SH2B1: variants seen among roughly 807,000 people sequenced by gnomAD.
SH2B1 encodes the protein SH2B adaptor protein 1.
In SH2B1, 15 loss-of-function variants were observed where a neutral mutation model predicts 62.6. The observed-to-expected ratio is 0.24, with a 90% CI of 0.16 to 0.37. The LOEUF (loss-of-function observed/expected upper bound fraction) is 0.37. SH2B1 is among the 10% of genes least tolerant of loss of function. The pLI, the probability that SH2B1 is intolerant of heterozygous loss-of-function variation, is 1.00. For synonymous variants in SH2B1, 443 were observed against 438.0 expected (o/e 1.01, Z -0.14); for missense variants, 925 against 1,015.6 (o/e 0.91, Z 1.21).
rs1596632884 is a variant in SH2B1, at chr16:28,872,452, G to A, written c.1725+51G>A. ...TGTTCTGTGCATAGTTGGCAGTGGG[G>A]TGGGGGAGCACTGCCGGGGGAGGGG... is the stretch of plus-strand genomic sequence containing the variant. On this transcript the variant is annotated intron_variant, in intron 6 of 7. Coordinates refer to ENST00000684370, the MANE Select transcript of SH2B1 (RefSeq NM_001387430.1). The surrounding 1 kb of genome is among the most constrained non-coding windows in gnomAD (Gnocchi z 5.3). 5 of 1,572,264 alleles carry A rather than the reference G, an allele frequency of 3.2e-6. No individual in the cohort carries two copies. The highest frequency in any genetic ancestry group is 4.3e-6 in the Non-Finnish European group (5 of 1,154,918).
rs776594392 is a variant in SH2B1 at position 28,866,253 on chromosome 16, C to G, written c.159C>G (p.Pro53=). ...RRFRLYLASH[P]QYAGPGAEAA... is the part of the protein sequence containing the mutation. The stretch of plus-strand genomic sequence containing the variant: ...TTCGCCTCTACCTGGCCTCCCACCC[C>G]CAATATGCGGGGCCCGGGGCCGAGG... Residue 53 remains proline, a synonymous_variant, in exon 1 of 8, where the codon CCC becomes CCG. Coordinates refer to ENST00000684370, the MANE Select transcript of SH2B1 (RefSeq NM_001387430.1). This position sits in a 1 kb window ranked among gnomAD's most constrained non-coding sequence, Gnocchi z 6.3. 22 of 1,611,130 alleles carry G rather than the reference C, an allele frequency of 1.4e-5. No individual in the cohort carries two copies. Among genetic ancestry groups the G allele is most frequent in the East Asian group, 2.2e-5 (1 of 44,846 alleles).
Position 28,872,216 on chromosome 16 carries a change from G to C in SH2B1, c.1540G>C (p.Glu514Gln), listed in dbSNP as rs893059694. Reference sequence around the variant, plus strand: ...GTCCTTCCTGTTCCAGGGGGAGCCAGAGGGCGGTGAGGGGGACCAGCCCCT... The same window carrying C: ...GTCCTTCCTGTTCCAGGGGGAGCCACAGGGCGGTGAGGGGGACCAGCCCCT... ...TGSFLFQGEP[E>Q]GGEGDQPLSG... Residue 514 changes from glutamate (E) to glutamine (Q), a missense_variant, in exon 6 of 8, where the codon GAG becomes CAG. Physicochemically the swap from Glu to Gln is conservative, Grantham distance 29. Coordinates refer to ENST00000684370, the MANE Select transcript of SH2B1 (RefSeq NM_001387430.1). The surrounding 1 kb of genome is among the most constrained non-coding windows in gnomAD (Gnocchi z 5.3). 5 of 1,613,504 alleles carry C rather than the reference G, an allele frequency of 3.1e-6. No homozygotes were observed. The highest frequency in any genetic ancestry group is 3.3e-5 in the Admixed American group (2 of 59,992).
In SH2B1 at chr16:28,873,496, GAC is replaced by G. The variant is rs777882588; in HGVS notation, c.1949_1950del (p.Thr650ArgfsTer47). ...CCCAGCCCCCTGAACCCCCTTCATG[GAC>G]AGATCCCCCACAGCCTGGGGCAGAA... is the stretch of plus-strand genomic sequence containing the variant. ...PPQPPEPPSW[T>X]DPPQPGAEEA... On this transcript the variant is annotated frameshift_variant, in exon 8 of 8. Coordinates refer to ENST00000684370, the MANE Select transcript of SH2B1 (RefSeq NM_001387430.1). LOFTEE classifies it high-confidence loss of function. The surrounding 1 kb of genome is among the most constrained non-coding windows in gnomAD (Gnocchi z 4.2). The G allele has an allele frequency of 6.3e-7, 1 of 1,587,158 alleles. No individual in the cohort carries two copies. The highest frequency in any genetic ancestry group is 8.6e-7 in the Non-Finnish European group (1 of 1,169,226).
chr16:28,865,781 AGT>A lies in SH2B1; in HGVS notation c.-312_-311del. ...TACTGCTGGATCCAAAGCTAAGGAA[AGT>A]GGGGGCAAATGTGGCAGGCTCGGGG... On this transcript the variant is annotated 5_prime_UTR_variant, in exon 1 of 8. Transcript: ENST00000684370. 1 of 1,146,054 alleles carries A rather than the reference AGT, an allele frequency of 8.7e-7. No individual in the cohort carries two copies. The highest frequency in any genetic ancestry group is 3.6e-5 in the South Asian group (1 of 27,894). The allele number at this position is 1,146,054 out of a possible 1,614,324, so 71.0% of individuals were successfully genotyped here.
Position 28,867,491 on chromosome 16 carries a change from G to A in SH2B1, c.1041+59G>A, listed in dbSNP as rs186911218. On this transcript the variant is annotated intron_variant, in intron 2 of 7. Coordinates refer to ENST00000684370, the MANE Select transcript of SH2B1 (RefSeq NM_001387430.1). ...TTGTGTTAAGGAGAAAGCCCTCAGCGCATTTAAGCAAGTGGCGTCGCCGAA... is the reference window on the plus strand; with the variant it reads ...TTGTGTTAAGGAGAAAGCCCTCAGCACATTTAAGCAAGTGGCGTCGCCGAA... 121 of 1,325,484 alleles carry A rather than the reference G, an allele frequency of 9.1e-5. 1 individual carries two copies. In the Middle Eastern group the frequency reaches 2.9e-3, roughly 32 times the overall value. 82.1% of individuals were successfully genotyped at this position (1,325,484 alleles called of 1,614,324 possible).
chr16:28,864,218 C>T lies in SH2B1; in HGVS notation c.-1877C>T, dbSNP rs1007436952. On this transcript the variant is annotated 5_prime_UTR_variant, in exon 1 of 8. Transcript: ENST00000684370. ...TCCGAGCCGAGAGCGGAGCCTGCAC[C>T]CTCCACCTCCCGCCCTTCGGGAAAT... 2.9e-6 allele frequency: 3 copies of T among 1,025,990 alleles called. No homozygotes were observed. Among genetic ancestry groups the T allele is most frequent in the Non-Finnish European group, 3.5e-6 (3 of 854,850 alleles). 63.6% of individuals were successfully genotyped at this position (1,025,990 alleles called of 1,614,324 possible).
Position 28,873,009 on chromosome 16 carries a change from C to G in SH2B1, c.1897+304C>G. ...CTGTCTCCTGGACCCATCCTGGCCT[C>G]GTCTTTGCCCTCCGTCGCAGCCTGG... On this transcript the variant is annotated intron_variant, in intron 7 of 7. Transcript: ENST00000684370. The surrounding 1 kb of genome is among the most constrained non-coding windows in gnomAD (Gnocchi z 4.2). The G allele has an allele frequency of 1.6e-6, 1 of 643,894 alleles. No individual in the cohort carries two copies. Among genetic ancestry groups the G allele is most frequent in the East Asian group, 2.7e-5 (1 of 36,662 alleles). The allele number at this position is 643,894 out of a possible 1,614,324, so 39.9% of individuals were successfully genotyped here. A position where few individuals can be genotyped will look rare whatever the true frequency, so the allele number is the denominator to read the frequency against.
At chr16:28,870,850 C>T (rs1962986039) in intron 4 of SH2B1, among the ~76,000 whole-genome samples, 1 of 151,970 alleles carries the variant, frequency 6.6e-6, no homozygotes, top group Admixed American at 6.6e-5. Context: ...CCACACCTAG[C>T]TAATTTTTTA....
Position 28,863,992 on chromosome 16 carries a change from C to T in SH2B1, c.-2103C>T, listed in dbSNP as rs1281444480. 7.1e-6 allele frequency: 10 copies of T among 1,415,706 alleles called. No individual in the cohort carries two copies. The highest frequency in any genetic ancestry group is 9.2e-6 in the Non-Finnish European group (10 of 1,088,296). The allele number at this position is 1,415,706 out of a possible 1,614,324, so 87.7% of individuals were successfully genotyped here. On this transcript the variant is annotated 5_prime_UTR_variant, in exon 1 of 8. Transcript: ENST00000684370. ...CCCTCTTCAAGTACCTTTTCCCTCT[C>T]CGCGACCCGGCCCTGGCGCCCGAGA...
intron 4 of SH2B1, among the ~76,000 whole-genome samples, chr16:28,870,112 C>T (rs961029337): frequency 6.6e-6 from 1 of 152,198 alleles, no homozygotes; most frequent in Non-Finnish European, 1.5e-5. Context: ...GTGCACCACA[C>T]GCCTGTCTTC....
Position 28,852,736 on chromosome 16 carries a change from A to T in SH2B1, c.-301+5909A>T, listed in dbSNP as rs1348105290. Among the ~76,000 whole-genome samples, 46 of 39,360 alleles carry T rather than the reference A, an allele frequency of 1.2e-3. 16 individuals are homozygous for T. The highest frequency in any genetic ancestry group is 2.0e-3 in the Non-Finnish European group (40 of 19,654). 25.8% of individuals were successfully genotyped at this position (39,360 alleles called of 152,430 possible). On this transcript the variant is annotated intron_variant, in intron 1 of 10. Transcript: ENST00000322610. ...TTTACATATATATTTATATATATACATATATATATTTACATATATATGTAT... is the reference window on the plus strand; with the variant it reads ...TTTACATATATATTTATATATATACTTATATATATTTACATATATATGTAT...
At chr16:28,848,982 A>G (rs1302571896) in intron 1 of SH2B1, among the ~76,000 whole-genome samples, 1 of 151,860 alleles carries the variant, frequency 6.6e-6, no homozygotes, top group Non-Finnish European at 1.5e-5. Context: ...AGACTGTACT[A>G]TAATTTAACT....
chr16:28,852,275 CAT>C (rs556407806), intron 1 of SH2B1, among the ~76,000 whole-genome samples: 1,032 of 47,468 alleles, frequency 0.022, 87 homozygotes, highest in Admixed American at 0.047. Flanking sequence ...TATATATTTA[CAT>C]ATATATATTT....
chr16:28,866,573 G>T lies in SH2B1; in HGVS notation c.479G>T (p.Arg160Leu), dbSNP rs767233616. 1.1e-5 allele frequency: 17 copies of T among 1,613,798 alleles called. No homozygotes were observed. The South Asian group carries it at 1.8e-4, about 17-fold the overall frequency. ...CGCTTTTCCCTGCGTTCAGTGGGTC[G>T]CTCTGTCCGAGGCTCAGTCCGTGGC... ...KKRFSLRSVG[R>L]SVRGSVRGIL... is the part of the protein sequence containing the mutation. Residue 160 changes from arginine to leucine, a missense_variant, in exon 1 of 8, where the codon CGC becomes CTC. Arg to Leu is a moderately radical substitution (Grantham distance 102). Transcript: ENST00000684370. The surrounding 1 kb of genome is among the most constrained non-coding windows in gnomAD (Gnocchi z 6.3).
rs1264730384 is a variant in SH2B1, at chr16:28,852,345, T to C, written c.-301+5518T>C. On this transcript the variant is annotated intron_variant, in intron 1 of 10. Coordinates refer to the SH2B1 transcript ENST00000322610. The stretch of plus-strand genomic sequence containing the variant: ...ATATATATTTACATATATATTTACA[T>C]ATATATTTATATATATATTTATATA... Among the ~76,000 whole-genome samples, 26 of 80,842 alleles carry C rather than the reference T, an allele frequency of 3.2e-4. 1 individual carries two copies. Among genetic ancestry groups the C allele is most frequent in the African/African-American group, 1.5e-3 (24 of 16,144 alleles). 53.0% of individuals were successfully genotyped at this position (80,842 alleles called of 152,430 possible). A position where few individuals can be genotyped will look rare whatever the true frequency, so the allele number is the denominator to read the frequency against.
chr16:28,855,075 T>C (rs539863301), intron 1 of SH2B1, among the ~76,000 whole-genome samples: 40 of 152,128 alleles, frequency 2.6e-4, no homozygotes, highest in African/African-American at 8.9e-4. Flanking sequence ...GGTATCACCA[T>C]GTTGGCCAGG....
chr16:28,866,224 C>G lies in SH2B1; in HGVS notation c.130C>G (p.Arg44Gly), dbSNP rs754174914. ...GGCTGCGGCTCTGGACTTTGCCCGCCGTTTTCGCCTCTACCTGGCCTCCCA... is the reference window on the plus strand; with the variant it reads ...GGCTGCGGCTCTGGACTTTGCCCGCGGTTTTCGCCTCTACCTGGCCTCCCA... ...ARAAALDFAR[R>G]FRLYLASHPQ... Residue 44 changes from arginine (R) to glycine (G), a missense_variant, in exon 1 of 8, where the codon CGT (arginine) becomes GGT (glycine). By Grantham distance (125) the Arg-to-Gly change is moderately radical. This residue lies in a region of SH2B1 where 683 missense variants were observed against 704.0 expected (regional missense o/e 0.97). Coordinates refer to ENST00000684370, the MANE Select transcript of SH2B1 (RefSeq NM_001387430.1). The surrounding 1 kb of genome is among the most constrained non-coding windows in gnomAD (Gnocchi z 6.3). The G allele has an allele frequency of 1.9e-6, 3 of 1,610,002 alleles. No individual in the cohort carries two copies. The highest frequency in any genetic ancestry group is 1.1e-5 in the South Asian group (1 of 90,768).
chr16:28,857,792 T>C (rs1222350521), intron 1 of SH2B1, among the ~76,000 whole-genome samples: 1 of 149,990 alleles, frequency 6.7e-6, no homozygotes, highest in Non-Finnish European at 1.5e-5. Flanking sequence ...CAGGCTGGAG[T>C]GCAGTGGCGC....
In SH2B1 at chr16:28,865,161, T is replaced by C. The variant is rs914141023; in HGVS notation, c.-934T>C. The C allele has an allele frequency of 1.7e-5, 17 of 985,486 alleles. No homozygotes were observed. Among genetic ancestry groups the C allele is most frequent in the Admixed American group, 6.1e-5 (1 of 16,270 alleles). The allele number at this position is 985,486 out of a possible 1,614,324, so 61.0% of individuals were successfully genotyped here. A position where few individuals can be genotyped will look rare whatever the true frequency, so the allele number is the denominator to read the frequency against. On this transcript the variant is annotated 5_prime_UTR_variant, in exon 1 of 8. It removes an upstream start codon present in the reference 5' UTR. Transcript: ENST00000684370. ...CCTAGGGCCCCAGCTCTCCCTGTGA[T>C]GTTTTGTTTACGTGAGGCCAGCAAA...
Sources: allele counts gnomAD v4.1 joint callset (sites outside exome capture counted in the v4.1 genomes callset), GRCh38; gene constraint gnomAD v4.1.1; regional missense constraint gnomAD v4.1.1; non-coding constraint Gnocchi (gnomAD v3.1); transcripts MANE v1.5; gene names NCBI Gene and HGNC (gene_info 2026-07-23, HGNC 2026-07-21).